SND1: variants seen among roughly 807,000 people sequenced by gnomAD.
SND1 encodes staphylococcal nuclease and tudor domain containing 1, also known as staphylococcal nuclease domain-containing protein 1.
In SND1, 38 loss-of-function variants were observed where a neutral mutation model predicts 121.7. The observed-to-expected ratio is 0.31, with a 90% CI of 0.24 to 0.41. SND1 has a LOEUF of 0.41. Among genes scored for constraint, SND1 ranks in the 10% least tolerant of loss-of-function variants. The pLI, the probability that SND1 is intolerant of heterozygous loss-of-function variation, is 1.00. For missense variants in SND1, 868 were observed against 1,184.6 expected (o/e 0.73, Z 3.92); for synonymous variants, 401 against 447.4 (o/e 0.90, Z 1.31).
chr7:127,783,323 A>C (rs1424840754), intron 10 of SND1, among the ~76,000 whole-genome samples: 1 of 152,132 alleles, frequency 6.6e-6, no homozygotes, highest in Admixed American at 6.6e-5. Context: ...TAGATACAAC[A>C]ATTTTTGCCC....
intron 12 of SND1, among the ~76,000 whole-genome samples, chr7:127,877,304 GCTTT>G (rs1799710490): frequency 6.6e-6 from 1 of 152,078 alleles, no homozygotes; most frequent in African/African-American, 2.4e-5. Context: ...TTGCTAAATT[GCTTT>G]GGCCCATACT....
rs1296369821 is a variant in SND1, at chr7:127,980,258, G to T, written c.1670-10689G>T. On this transcript the variant is annotated intron_variant, in intron 15 of 23. Coordinates refer to ENST00000354725, the MANE Select transcript of SND1 (RefSeq NM_014390.4). ...CTCCCAAGTAGCTGGGACTACAGGCGCCCGCCACTACGCCCGGCTAATTTT... is the reference window on the plus strand; with the variant it reads ...CTCCCAAGTAGCTGGGACTACAGGCTCCCGCCACTACGCCCGGCTAATTTT... Among the ~76,000 whole-genome samples, 2 of 57,010 alleles carry T rather than the reference G, an allele frequency of 3.5e-5. 1 individual carries two copies. The highest frequency in any genetic ancestry group is 5.9e-5 in the Non-Finnish European group (2 of 33,990). 37.4% of individuals were successfully genotyped at this position (57,010 alleles called of 152,430 possible). A position where few individuals can be genotyped will look rare whatever the true frequency, so the allele number is the denominator to read the frequency against.
chr7:127,754,801 C>T (rs1797164847), intron 10 of SND1, among the ~76,000 whole-genome samples: 1 of 152,214 alleles, frequency 6.6e-6, no homozygotes, highest in Admixed American at 6.5e-5. Flanking sequence ...CTGGGGAACC[C>T]ATATTCTTTT....
intron 8 of SND1, among the ~76,000 whole-genome samples, chr7:127,706,907 C>T (rs1193147923): frequency 6.6e-6 from 1 of 152,210 alleles, no homozygotes; most frequent in African/African-American, 2.4e-5. Context: ...CTTTTCACTG[C>T]ACATGTATCC....
At position 127,985,157 on chromosome 7, in the gene SND1, C is replaced by T. The variant is rs116636425; in HGVS notation, c.1670-5790C>T. 2.5e-3 allele frequency among the ~76,000 whole-genome samples: 382 copies of T among 152,290 alleles called. 5 individuals carry two copies. The highest frequency in any genetic ancestry group is 8.9e-3 in the African/African-American group (371 of 41,562). ...CTTCCCATTCCCAGCTTGTGGTGTG[C>T]GGAGAGAACAGAGGTCATGTGCTAA... On this transcript the variant is annotated intron_variant, in intron 15 of 23. Transcript: ENST00000354725.
At chr7:127,768,757 T>C (rs921762210) in intron 10 of SND1, among the ~76,000 whole-genome samples, 2 of 152,194 alleles carry the variant, frequency 1.3e-5, no homozygotes, top group African/African-American at 4.8e-5. Flanking sequence ...GGTCAGAGTA[T>C]GAGACGAAAA....
chr7:127,736,335 C>G (rs1796775812), intron 10 of SND1, among the ~76,000 whole-genome samples: 1 of 152,242 alleles, frequency 6.6e-6, no homozygotes, highest in African/African-American at 2.4e-5. Flanking sequence ...GGCCTTCTCA[C>G]TAGCTTCTCT....
At chr7:128,038,706 A>T (rs1308001426) in intron 16 of SND1, among the ~76,000 whole-genome samples, 1 of 150,862 alleles carries the variant, frequency 6.6e-6, no homozygotes, top group African/African-American at 2.4e-5. Flanking sequence ...TTTTGAGGTA[A>T]TTTTAGACTT....
At chr7:127,792,126 C>G (rs1797919460) in intron 10 of SND1, among the ~76,000 whole-genome samples, 1 of 152,050 alleles carries the variant, frequency 6.6e-6, no homozygotes, top group African/African-American at 2.4e-5. Context: ...CTTTGTGTTA[C>G]CAATTGTTGA....
At chr7:127,833,003 A>C (rs1481992434) in intron 11 of SND1, among the ~76,000 whole-genome samples, 5 of 152,154 alleles carry the variant, frequency 3.3e-5, no homozygotes, top group Admixed American at 2.0e-4. Flanking sequence ...CCATGTAAAA[A>C]TTGTCTTCTA....
intron 15 of SND1, among the ~76,000 whole-genome samples, chr7:127,943,320 C>T (rs1801258589): frequency 6.6e-6 from 1 of 152,188 alleles, no homozygotes; most frequent in Admixed American, 6.5e-5. Flanking sequence ...TCCCACCTCA[C>T]CTCAATCTTC....
chr7:128,040,982 A>C (rs534063957), intron 16 of SND1, among the ~76,000 whole-genome samples: 2 of 152,306 alleles, frequency 1.3e-5, no homozygotes, highest in African/African-American at 4.8e-5. Context: ...TAGTAACGTG[A>C]GTTCCTTGGC....
At chr7:127,962,619 G>C (rs1469368739) in intron 15 of SND1, among the ~76,000 whole-genome samples, 1 of 152,308 alleles carries the variant, frequency 6.6e-6, no homozygotes, top group African/African-American at 2.4e-5. Context: ...AAATCTGAAA[G>C]GTTAGGTTAT....
At position 128,022,532 on chromosome 7, in the gene SND1, C is replaced by T. The variant is rs143321686; in HGVS notation, c.1779+31476C>T. Among the ~76,000 whole-genome samples, 775 of 152,320 alleles carry T rather than the reference C, an allele frequency of 5.1e-3. 5 individuals carry two copies. The highest frequency in any genetic ancestry group is 0.018 in the African/African-American group (747 of 41,580). ...AGACAGTTTCTCCCAGGGATATCCC[C>T]CACAGGCCTAGGCCAAATCTCTGAC... On this transcript the variant is annotated intron_variant, in intron 16 of 23. Transcript: ENST00000354725.
chr7:127,705,558 A>G (rs1370930351), intron 8 of SND1, among the ~76,000 whole-genome samples: 4 of 151,826 alleles, frequency 2.6e-5, no homozygotes, highest in Middle Eastern at 6.3e-3. Context: ...CGACATTTCA[A>G]CTGTCAGCGT....
chr7:127,754,702 G>A (rs1328986052), intron 10 of SND1, among the ~76,000 whole-genome samples: 1 of 152,232 alleles, frequency 6.6e-6, no homozygotes, highest in Non-Finnish European at 1.5e-5. Flanking sequence ...AGTGGGTTGG[G>A]AGGTTGTTAT....
intron 15 of SND1, among the ~76,000 whole-genome samples, chr7:127,934,715 A>G (rs1801022914): frequency 6.6e-6 from 1 of 152,144 alleles, no homozygotes; most frequent in Non-Finnish European, 1.5e-5. Flanking sequence ...AAGTAAGAAT[A>G]GGTTTTAGGA....
intron 12 of SND1, among the ~76,000 whole-genome samples, chr7:127,849,458 G>A (rs1381346768): frequency 6.6e-6 from 1 of 152,040 alleles, no homozygotes; most frequent in Non-Finnish European, 1.5e-5. Flanking sequence ...ATTTAGAAAG[G>A]GACATCTACA....
At chr7:128,066,943 G>A (rs1793325819) in intron 16 of SND1, among the ~76,000 whole-genome samples, 1 of 152,156 alleles carries the variant, frequency 6.6e-6, no homozygotes, top group Non-Finnish European at 1.5e-5. Context: ...AGTACCTTGG[G>A]CTCCGAGTCA....
Sources: gnomAD v4.1 joint callset for allele counts (sites outside exome capture counted in the v4.1 genomes callset) on GRCh38, gnomAD v4.1.1 for gene constraint, MANE v1.5 for transcripts, NCBI Gene and HGNC (gene_info 2026-07-23, HGNC 2026-07-21) for gene names.